SRGAP3: variants seen among roughly 807,000 people sequenced by gnomAD.
The protein encoded by SRGAP3 is SLIT-ROBO Rho GTPase activating protein 3.
SRGAP3 carries 39 observed loss-of-function variants against 121.1 expected under a neutral mutation model. The observed-to-expected ratio is 0.32, with a 90% CI of 0.25 to 0.42. SRGAP3 has a LOEUF of 0.42. Ranked by LOEUF, SRGAP3 falls within the 10% of genes least tolerant of loss-of-function variation. The pLI, the probability that SRGAP3 is intolerant of heterozygous loss-of-function variation, is 1.00. For missense variants in SRGAP3, 1,213 were observed against 1,470.6 expected (o/e 0.82, Z 2.86); for synonymous variants, 601 against 570.0 (o/e 1.05, Z -0.77).
rs1553676318 is a variant in SRGAP3 at position 9,140,140 on chromosome 3, C to CACAT, written c.68-15224_68-15223insATGT. On this transcript the variant is annotated intron_variant, in intron 1 of 21. Transcript: ENST00000383836. ...AGAGGCATACACACACACACACACA[C>CACAT]ACACACACACATACATACACAAATG... 9.3e-4 allele frequency among the ~76,000 whole-genome samples: 140 copies of CACAT among 150,786 alleles called. 1 individual carries two copies. The highest frequency in any genetic ancestry group is 1.3e-3 in the Non-Finnish European group (91 of 67,896).
At chr3:9,156,414 G>A (rs1240571534) in intron 1 of SRGAP3, among the ~76,000 whole-genome samples, 8 of 152,192 alleles carry the variant, frequency 5.3e-5, no homozygotes, top group East Asian at 1.9e-4. Flanking sequence ...TGGCAGCTCC[G>A]GGCTTAAATC....
chr3:9,210,633 T>C (rs1467026979), intron 1 of SRGAP3, among the ~76,000 whole-genome samples: 1 of 152,130 alleles, frequency 6.6e-6, no homozygotes, highest in Non-Finnish European at 1.5e-5. Flanking sequence ...GAGACCATCC[T>C]GGCCAACATG....
At chr3:9,052,419 G>A (rs779062617) in intron 9 of SRGAP3, among the ~76,000 whole-genome samples, 3 of 152,168 alleles carry the variant, frequency 2.0e-5, no homozygotes, top group Non-Finnish European at 4.4e-5. Context: ...GATGGCCCCT[G>A]GTCAGGGATG....
chr3:9,029,147 G>GA (rs1944356654), intron 12 of SRGAP3, among the ~76,000 whole-genome samples: 1 of 152,182 alleles, frequency 6.6e-6, no homozygotes, highest in Non-Finnish European at 1.5e-5. Flanking sequence ...TGGTCGAACA[G>GA]GCTGTATGAG....
In SRGAP3 at chr3:9,171,801, G is replaced by A. The variant is rs190869821; in HGVS notation, c.68-46884C>T. 1.5e-3 allele frequency among the ~76,000 whole-genome samples: 226 copies of A among 152,092 alleles called. 1 individual carries two copies. Among genetic ancestry groups the A allele is most frequent in the African/African-American group, 5.4e-3 (222 of 41,494 alleles). ...CTGGGAGCTGGCCCAATAGCATCTC[G>A]GACTGAGTGACTTAAGCAGCCGAAA... On this transcript the variant is annotated intron_variant, in intron 1 of 21. Coordinates refer to ENST00000383836, the MANE Select transcript of SRGAP3 (RefSeq NM_014850.4).
intron 1 of SRGAP3, among the ~76,000 whole-genome samples, chr3:9,355,036 A>T (rs757288469): frequency 6.6e-6 from 1 of 152,224 alleles, no homozygotes; most frequent in South Asian, 2.1e-4. Context: ...CATAAAGAGC[A>T]TATGTGCCCA....
At chr3:9,333,580 T>C (rs557036106) in intron 1 of SRGAP3, among the ~76,000 whole-genome samples, 2 of 152,310 alleles carry the variant, frequency 1.3e-5, no homozygotes, top group African/African-American at 4.8e-5. Flanking sequence ...TCTCCGGTGG[T>C]GGCACAAAGA....
chr3:9,096,975 A>ATATATAATGTAAAAAATATATAAT, intron 3 of SRGAP3, among the ~76,000 whole-genome samples: 1 of 98,648 alleles, frequency 1.0e-5, no homozygotes, highest in Non-Finnish European at 2.0e-5. Context: ...ATATATATAT[A>ATATATAATGTAAAAAATATATAAT]TATATACACA....
intron 3 of SRGAP3, among the ~76,000 whole-genome samples, chr3:9,263,680 T>G (rs9864495): frequency 0.056 from 8,541 of 152,134 alleles, 729 homozygotes; most frequent in African/African-American, 0.18. Context: ...AGGAAAAACT[T>G]GAATCCCTGA....
intron 2 of SRGAP3, among the ~76,000 whole-genome samples, chr3:9,119,402 A>C (rs1381824664): frequency 6.6e-6 from 1 of 151,258 alleles, no homozygotes; most frequent in Non-Finnish European, 1.5e-5. Flanking sequence ...ACATCATGCA[A>C]CTCCCTTCTT....
intron 7 of SRGAP3, among the ~76,000 whole-genome samples, chr3:9,056,833 C>T (rs933925313): frequency 6.6e-6 from 1 of 152,168 alleles, no homozygotes. Flanking sequence ...CAGCAATTGA[C>T]TGGGCCGAGG....
intron 21 of SRGAP3, among the ~76,000 whole-genome samples, chr3:8,988,330 C>T (rs2648335): frequency 0.097 from 14,753 of 152,222 alleles, 748 homozygotes; most frequent in East Asian, 0.13. Context: ...GGCCTACTAC[C>T]TGGGGTTCTT....
chr3:9,084,094 T>C (rs1445150454), intron 3 of SRGAP3, among the ~76,000 whole-genome samples: 1 of 152,202 alleles, frequency 6.6e-6, no homozygotes, highest in Non-Finnish European at 1.5e-5. Context: ...ATTTGATACT[T>C]TGTTTAATCT....
At chr3:9,246,292 C>A (rs954459916) in intron 1 of SRGAP3, among the ~76,000 whole-genome samples, 1 of 152,176 alleles carries the variant, frequency 6.6e-6, no homozygotes, top group African/African-American at 2.4e-5. Flanking sequence ...ATCCCACTGG[C>A]CAGATGATTC....
intron 3 of SRGAP3, among the ~76,000 whole-genome samples, chr3:9,298,399 T>C (rs1954989615): frequency 6.6e-6 from 1 of 152,214 alleles, no homozygotes; most frequent in Non-Finnish European, 1.5e-5. Context: ...TCATAATTCA[T>C]CATCATGTCT....
chr3:9,232,649 G>A (rs1192688121), intron 1 of SRGAP3, among the ~76,000 whole-genome samples: 1 of 152,088 alleles, frequency 6.6e-6, no homozygotes, highest in Non-Finnish European at 1.5e-5. Context: ...CAGCCAAACT[G>A]GTGAGTTTAC....
At chr3:9,332,510 C>T (rs1955624576) in intron 1 of SRGAP3, among the ~76,000 whole-genome samples, 1 of 152,160 alleles carries the variant, frequency 6.6e-6, no homozygotes, top group African/African-American at 2.4e-5. Context: ...ACACTCCCTT[C>T]CAAATGGACC....
chr3:9,057,988 G>C (rs1419147885), intron 7 of SRGAP3, among the ~76,000 whole-genome samples: 2 of 152,140 alleles, frequency 1.3e-5, no homozygotes, highest in African/African-American at 4.8e-5. Flanking sequence ...GTGCAGACTG[G>C]GGCTCCCTTG....
rs1477747286 is a variant in SRGAP3, at chr3:9,027,075, A to C, written c.1540-80T>G. 7 of 1,302,230 alleles carry C rather than the reference A, an allele frequency of 5.4e-6. No individual in the cohort carries two copies. The African/African-American group carries it at 8.7e-5, about 16-fold the overall frequency. 80.7% of individuals were successfully genotyped at this position (1,302,230 alleles called of 1,614,324 possible). ...AAGACATTGCAAACACCGATTACAG[A>C]CTCAAGCCAGAATATTAGTACCATC... On this transcript the variant is annotated intron_variant, in intron 12 of 21. Coordinates refer to ENST00000383836, the MANE Select transcript of SRGAP3 (RefSeq NM_014850.4).
Sources: gnomAD v4.1 joint callset for allele counts (sites outside exome capture counted in the v4.1 genomes callset) on GRCh38, gnomAD v4.1.1 for gene constraint, MANE v1.5 for transcripts, NCBI Gene and HGNC (gene_info 2026-07-23, HGNC 2026-07-21) for gene names.